Variants in LRRC37A2 observed in about 807,000 individuals in gnomAD.
The protein encoded by LRRC37A2 is leucine rich repeat containing 37 member A2, also known as leucine-rich repeat-containing protein 37A2.
LRRC37A2 carries 9 observed loss-of-function variants against 68.8 expected under a neutral mutation model. That is an observed-to-expected ratio of 0.13 (90% CI 0.08 to 0.23). LRRC37A2 has a LOEUF of 0.23. Ranked by LOEUF, LRRC37A2 falls within the 10% of genes least tolerant of loss-of-function variation. The probability of loss-of-function intolerance (pLI) is 1.00; values close to 1 mark genes in which losing one functional copy is unlikely to be tolerated. For missense variants in LRRC37A2, 168 were observed against 950.4 expected (o/e 0.18, Z 10.82); for synonymous variants, 63 against 367.6 (o/e 0.17, Z 9.48).
At chr17:47,024,720 T>G in the LRRC37A2 span, 19 of 883,736 alleles carry the variant, frequency 2.1e-5, no homozygotes, top group South Asian at 2.5e-4. Context: ...ACACAAGGAT[T>G]CATTTGAAGG....
At chr17:46,925,916 A>T in the LRRC37A2 span, among the ~76,000 whole-genome samples, 5,132 of 152,320 alleles carry the variant, frequency 0.034, 164 homozygotes, top group African/African-American at 0.083. Context: ...GATGAACTTT[A>T]TAGAGGAGCT....
the LRRC37A2 span, among the ~76,000 whole-genome samples, chr17:46,878,924 C>T: frequency 6.6e-6 from 1 of 152,304 alleles, no homozygotes; most frequent in Admixed American, 6.5e-5. Context: ...TCTTCTCTGT[C>T]TGTCTCTCTC....
At chr17:46,965,372 G>A in the LRRC37A2 span, among the ~76,000 whole-genome samples, 5 of 152,198 alleles carry the variant, frequency 3.3e-5, no homozygotes, top group Non-Finnish European at 5.9e-5. Context: ...GCTGGGACAA[G>A]GAGAGAGAAA....
chr17:46,978,476 A>C, the LRRC37A2 span: 2 of 719,180 alleles, frequency 2.8e-6, no homozygotes, highest in Non-Finnish European at 4.3e-6. Context: ...CGGGCGTCCA[A>C]GTCCCTTCCC....
At chr17:47,029,790 C>T in the LRRC37A2 span, among the ~76,000 whole-genome samples, 1,471 of 152,098 alleles carry the variant, frequency 9.7e-3, 29 homozygotes, top group African/African-American at 0.034. Flanking sequence ...ATCTGGTGGC[C>T]GGGAGCGGTG....
the LRRC37A2 span, among the ~76,000 whole-genome samples, chr17:46,771,227 C>G: frequency 1.2e-3 from 182 of 152,292 alleles, no homozygotes; most frequent in African/African-American, 4.2e-3. Context: ...GCCCGCGCCC[C>G]GCGCCTGCGC....
the LRRC37A2 span, among the ~76,000 whole-genome samples, chr17:46,489,954 C>T: frequency 6.6e-6 from 1 of 150,886 alleles, no homozygotes; most frequent in Non-Finnish European, 1.5e-5. Context: ...TCCCAAACAG[C>T]AGGATGTCTG....
At chr17:46,896,302 A>G in the LRRC37A2 span, among the ~76,000 whole-genome samples, 1 of 151,340 alleles carries the variant, frequency 6.6e-6, no homozygotes, top group African/African-American at 2.4e-5. Flanking sequence ...TCAAAAAAAG[A>G]AAAAGAAAGA....
the LRRC37A2 span, chr17:46,939,074 C>T: frequency 8.6e-7 from 1 of 1,158,314 alleles, no homozygotes; most frequent in Non-Finnish European, 1.1e-6. Context: ...CTGATGCGTG[C>T]CCTGGGAAGG....
At chr17:46,712,146 C>T in the LRRC37A2 span, among the ~76,000 whole-genome samples, 4 of 152,028 alleles carry the variant, frequency 2.6e-5, no homozygotes, top group Non-Finnish European at 5.9e-5. Context: ...TAATGAGAGT[C>T]GATTGTGGTT....
chr17:46,851,256 G>A, the LRRC37A2 span, among the ~76,000 whole-genome samples: 1 of 152,044 alleles, frequency 6.6e-6, no homozygotes, highest in African/African-American at 2.4e-5. The surrounding 1 kb of genome is among the most constrained non-coding windows in gnomAD (Gnocchi z 4.3). Flanking sequence ...CCCCATCCCG[G>A]AGAGGCAGAA....
At chr17:46,842,583 A>C in the LRRC37A2 span, among the ~76,000 whole-genome samples, 3 of 152,198 alleles carry the variant, frequency 2.0e-5, no homozygotes, top group Middle Eastern at 3.4e-3. Context: ...TGGTGCCCAG[A>C]GCTGGTCTCG....
At chr17:46,532,206 GA>G (rs1421872961) in intron 6 of LRRC37A2, among the ~76,000 whole-genome samples, 1 of 148,478 alleles carries the variant, frequency 6.7e-6, no homozygotes, top group Non-Finnish European at 1.5e-5. Context: ...GCCAATAAAT[GA>G]AAACTTTTTC....
At chr17:46,901,309 G>A in the LRRC37A2 span, among the ~76,000 whole-genome samples, 1 of 151,998 alleles carries the variant, frequency 6.6e-6, no homozygotes, top group Non-Finnish European at 1.5e-5. Context: ...TTACAGACTT[G>A]CACCATCATG....
chr17:46,913,756 T>A, the LRRC37A2 span, among the ~76,000 whole-genome samples: 1 of 152,172 alleles, frequency 6.6e-6, no homozygotes, highest in African/African-American at 2.4e-5. Context: ...TTTCATTTTT[T>A]ACTTTTTTAT....
chr17:46,952,028 G>C, the LRRC37A2 span, among the ~76,000 whole-genome samples: 1 of 152,168 alleles, frequency 6.6e-6, no homozygotes, highest in African/African-American at 2.4e-5. Flanking sequence ...CGTATATATT[G>C]CATCAGGGAG....
At chr17:46,751,615 A>G in the LRRC37A2 span, 3 of 1,600,132 alleles carry the variant, frequency 1.9e-6, no homozygotes, top group Admixed American at 3.3e-5. Context: ...ATGTCCCTAC[A>G]GGTAAGGTAC....
chr17:46,880,663 A>C, the LRRC37A2 span, among the ~76,000 whole-genome samples: 1 of 152,200 alleles, frequency 6.6e-6, no homozygotes, highest in Non-Finnish European at 1.5e-5. Context: ...CCTCATTGCA[A>C]CTGGCAGGCA....
At chr17:46,998,297 C>A in the LRRC37A2 span, among the ~76,000 whole-genome samples, 1 of 152,194 alleles carries the variant, frequency 6.6e-6, no homozygotes, top group African/African-American at 2.4e-5. Flanking sequence ...CCCGGCTCGG[C>A]CGTGAGTGTG....
Sources: gnomAD v4.1 joint callset for allele counts (sites outside exome capture counted in the v4.1 genomes callset) on GRCh38, gnomAD v4.1.1 for gene constraint, Gnocchi (gnomAD v3.1) non-coding constraint, MANE v1.5 for transcripts, NCBI Gene and HGNC (gene_info 2026-07-23, HGNC 2026-07-21) for gene names.